The following MYO1D variants were observed in gnomAD, a reference collection of about 807,000 sequenced individuals.
The protein encoded by MYO1D is myosin ID, also known as unconventional myosin-Id.
A neutral mutation model predicts 122.0 loss-of-function variants in MYO1D; 83 were observed. That is an observed-to-expected ratio of 0.68 (90% confidence interval 0.57 to 0.82). MYO1D has a LOEUF of 0.82. Ranked by LOEUF, MYO1D falls within the 40% of genes least tolerant of loss-of-function variation. The pLI is 0.00. For missense variants in MYO1D, 1,157 were observed against 1,269.5 expected (o/e 0.91, Z 1.35); for synonymous variants, 464 against 446.9 (o/e 1.04, Z -0.48).
At chr17:32,680,198 G>A (rs201077179) in intron 16 of MYO1D, among the ~76,000 whole-genome samples, 2,733 of 14,806 alleles carry the variant, frequency 0.18, 305 homozygotes, top group East Asian at 0.38. Flanking sequence ...CAATCATGTC[G>A]TCTGCAAACA....
At chr17:32,822,563 C>T (rs925384267) in intron 1 of MYO1D, among the ~76,000 whole-genome samples, 1 of 129,362 alleles carries the variant, frequency 7.7e-6, no homozygotes, top group Non-Finnish European at 1.7e-5. Flanking sequence ...GGACGGGGCC[C>T]GGGGAGCGTG....
At chr17:32,848,931 G>A (rs963677291) in intron 1 of MYO1D, among the ~76,000 whole-genome samples, 2 of 152,050 alleles carry the variant, frequency 1.3e-5, no homozygotes, top group Non-Finnish European at 2.9e-5. Context: ...ACATTCTTAC[G>A]TACCTGTGCA....
At chr17:32,767,795 T>G (rs543870467) in intron 6 of MYO1D, 43 bp from the exon 7 acceptor site, 2 of 1,394,492 alleles carry the variant, frequency 1.4e-6, no homozygotes, top group Non-Finnish European at 2.0e-6. Flanking sequence ...ATATTTCCTA[T>G]GAGCATTAAA....
chr17:32,735,450 T>G (rs1214748657), intron 14 of MYO1D, among the ~76,000 whole-genome samples: 4 of 152,222 alleles, frequency 2.6e-5, no homozygotes, highest in African/African-American at 9.6e-5. Flanking sequence ...CCCAAAGTGC[T>G]GGGATTACAG....
intron 16 of MYO1D, among the ~76,000 whole-genome samples, chr17:32,671,946 T>C (rs2088727663): frequency 6.6e-6 from 1 of 152,230 alleles, no homozygotes; most frequent in Non-Finnish European, 1.5e-5. Context: ...TTAAAAATAT[T>C]GCATGAACAT....
intron 11 of MYO1D, 114 bp from the exon 12 acceptor site, chr17:32,749,120 G>T: frequency 1.1e-6 from 1 of 940,796 alleles, no homozygotes; most frequent in Non-Finnish European, 1.7e-6. Flanking sequence ...ATCACATTGT[G>T]TGGGGCTTGA....
At chr17:32,663,397 T>C (rs1490069863) in intron 16 of MYO1D, among the ~76,000 whole-genome samples, 5 of 152,172 alleles carry the variant, frequency 3.3e-5, no homozygotes, top group Non-Finnish European at 7.3e-5. Context: ...GTGTCCATGG[T>C]TTATACACCT....
At chr17:32,560,556 T>TATATATAC (rs2087112970) in intron 21 of MYO1D, among the ~76,000 whole-genome samples, 2 of 114,130 alleles carry the variant, frequency 1.8e-5, no homozygotes, top group Non-Finnish European at 3.9e-5. Flanking sequence ...TATATATATA[T>TATATATAC]ATATATATAT....
chr17:32,707,986 C>A lies in MYO1D; in HGVS notation c.2121+4002G>T, dbSNP rs76564301. ...AGCCTGCTCCTGGTTTCCTCTGGAT[C>A]TCACTCCTTGTGCATTTTCCCTTTG... On this transcript the variant is annotated intron_variant, in intron 16 of 21. Coordinates refer to ENST00000318217, the MANE Select transcript of MYO1D (RefSeq NM_015194.3). Among the ~76,000 whole-genome samples the A allele has an allele frequency of 8.5e-4, 130 of 152,312 alleles. 2 individuals carry two copies. The East Asian group carries it at 0.024, about 28-fold the overall frequency.
intron 19 of MYO1D, among the ~76,000 whole-genome samples, chr17:32,649,287 ACTAT>A (rs1248983270): frequency 2.0e-5 from 3 of 152,132 alleles, no homozygotes; most frequent in African/African-American, 4.8e-5. Flanking sequence ...AGCCATCACC[ACTAT>A]CTTTCTCCAG....
chr17:32,777,080 T>C (rs545651363), intron 3 of MYO1D, among the ~76,000 whole-genome samples: 45 of 152,292 alleles, frequency 3.0e-4, no homozygotes, highest in African/African-American at 1.1e-3. Context: ...AATTTATATA[T>C]GCCTTACTCT....
At chr17:32,874,772 T>A (rs969711462) in intron 1 of MYO1D, among the ~76,000 whole-genome samples, 11 of 151,994 alleles carry the variant, frequency 7.2e-5, no homozygotes, top group Non-Finnish European at 1.3e-4. Context: ...CTAAAAAATA[T>A]AAATATAAAT....
intron 1 of MYO1D, among the ~76,000 whole-genome samples, chr17:32,810,183 T>G (rs1257156227): frequency 6.6e-6 from 1 of 151,834 alleles, no homozygotes; most frequent in African/African-American, 2.4e-5. Context: ...GGACTATATA[T>G]GAAGGGTGAG....
intron 7 of MYO1D, among the ~76,000 whole-genome samples, chr17:32,766,863 A>C (rs2090064402): frequency 6.6e-6 from 1 of 152,188 alleles, no homozygotes; most frequent in African/African-American, 2.4e-5. Context: ...ACTGTATTTA[A>C]AAACTGATTC....
chr17:32,572,602 C>T (rs542130398), intron 21 of MYO1D, among the ~76,000 whole-genome samples: 4 of 152,240 alleles, frequency 2.6e-5, no homozygotes, highest in African/African-American at 7.2e-5. Flanking sequence ...CCACATCACC[C>T]CCTTTGCTAA....
chr17:32,745,316 T>A, intron 12 of MYO1D, 31 bp from the exon 13 acceptor site: 1 of 1,390,148 alleles, frequency 7.2e-7, no homozygotes, highest in Non-Finnish European at 1.0e-6. Flanking sequence ...AAAACATGTA[T>A]CATTTACCAA....
At chr17:32,705,496 C>A (rs745756626) in intron 16 of MYO1D, among the ~76,000 whole-genome samples, 4 of 152,164 alleles carry the variant, frequency 2.6e-5, no homozygotes, top group East Asian at 1.9e-4. Flanking sequence ...AACTCCTGAC[C>A]TCGTGATCCG....
intron 1 of MYO1D, among the ~76,000 whole-genome samples, chr17:32,790,314 G>A (rs1425565434): frequency 1.3e-5 from 2 of 152,122 alleles, no homozygotes; most frequent in Non-Finnish European, 2.9e-5. Context: ...TTCATCTCAT[G>A]CCATCTACCT....
chr17:32,819,556 A>T (rs770517875), intron 1 of MYO1D, among the ~76,000 whole-genome samples: 72 of 152,262 alleles, frequency 4.7e-4, no homozygotes, highest in Non-Finnish European at 9.1e-4. Context: ...ATACTTATGA[A>T]CTTTTCTGCA....
Sources: allele counts gnomAD v4.1 joint callset (sites outside exome capture counted in the v4.1 genomes callset), GRCh38; gene constraint gnomAD v4.1.1; transcripts MANE v1.5; gene names NCBI Gene and HGNC (gene_info 2026-07-23, HGNC 2026-07-21).